Variants in LIPH observed in about 807,000 individuals in gnomAD.
LIPH encodes lipase H.
In LIPH, 32 loss-of-function variants were observed where a neutral mutation model predicts 47.6. The ratio of observed to expected loss-of-function variants is 0.67; its 90% CI spans 0.51 to 0.90. The LOEUF is 0.90. LIPH is among the 40% of genes least tolerant of loss of function. The pLI, the probability that LIPH is intolerant of heterozygous loss-of-function variation, is 0.00. For synonymous variants in LIPH, 190 were observed against 195.6 expected, an observed-to-expected ratio of 0.97 and a Z score of 0.24; for missense variants, 497 against 541.4, an observed-to-expected ratio of 0.92 and a Z score of 0.81.
At chr3:185,513,954 C>T (rs910536961) in intron 8 of LIPH, among the ~76,000 whole-genome samples, 4 of 152,120 alleles carry the variant, frequency 2.6e-5, no homozygotes, top group South Asian at 2.1e-4. Context: ...GCAGGAGAAT[C>T]GCTTGAACCT....
intron 3 of LIPH, among the ~76,000 whole-genome samples, chr3:185,533,293 G>A (rs1177414730): frequency 1.3e-5 from 2 of 152,166 alleles, no homozygotes; most frequent in Non-Finnish European, 2.9e-5. Flanking sequence ...AGATTTGAAT[G>A]GGACATAGCT....
chr3:185,534,728 C>T (rs755358871), intron 2 of LIPH, 37 bp downstream of exon 2: 2 of 1,610,060 alleles, frequency 1.2e-6, no homozygotes, highest in South Asian at 2.2e-5. Flanking sequence ...GGGCCAGTTT[C>T]AACTTAGCTC....
rs1479890834 is a variant in LIPH at position 185,509,000 on chromosome 3, T to TA, written c.1269-124dup. ...AATTGTTTTTAATATAGAAAACACT[T>TA]ACGGTGGCCAGGCACGGTGACTCAT... On this transcript the variant is annotated intron_variant, in intron 9 of 9. Coordinates refer to ENST00000296252, the MANE Select transcript of LIPH (RefSeq NM_139248.3). 5 of 723,952 alleles carry TA rather than the reference T, an allele frequency of 6.9e-6. No homozygotes were observed. The Admixed American group carries it at 8.3e-5, about 12-fold the overall frequency. 44.8% of individuals were successfully genotyped at this position (723,952 alleles called of 1,614,324 possible).
intron 1 of LIPH, among the ~76,000 whole-genome samples, chr3:185,544,738 A>G (rs183080265): frequency 6.6e-6 from 1 of 152,218 alleles, no homozygotes; most frequent in Admixed American, 6.5e-5. Context: ...AAAACTCCCC[A>G]CTGATGTAGA....
At chr3:185,541,588 T>C (rs1051028981) in intron 1 of LIPH, among the ~76,000 whole-genome samples, 4 of 151,298 alleles carry the variant, frequency 2.6e-5, no homozygotes, top group African/African-American at 9.7e-5. Flanking sequence ...TGAATTTTGG[T>C]AGAGATGAGG....
chr3:185,528,674 G>A (rs1019150488), intron 3 of LIPH, among the ~76,000 whole-genome samples: 2 of 152,150 alleles, frequency 1.3e-5, no homozygotes, highest in Non-Finnish European at 2.9e-5. Context: ...GTCAGGCCAG[G>A]TATCAGGCTA....
intron 4 of LIPH, 125 bp from the exon 5 acceptor site, chr3:185,524,285 G>C: frequency 1.5e-6 from 1 of 687,656 alleles, no homozygotes; most frequent in Non-Finnish European, 2.6e-6. Flanking sequence ...TTATACCTAT[G>C]TAAGAGTTTT....
At chr3:185,508,901 C>A in intron 9 of LIPH, 24 bp from the exon 10 acceptor site, 1 of 1,390,484 alleles carries the variant, frequency 7.2e-7, no homozygotes, top group Non-Finnish European at 1.0e-6. Flanking sequence ...ACAAAATATC[C>A]TTGTAAATGA....
At chr3:185,524,851 A>G (rs1356775835) in intron 4 of LIPH, among the ~76,000 whole-genome samples, 3 of 152,196 alleles carry the variant, frequency 2.0e-5, no homozygotes, top group Admixed American at 6.5e-5. Context: ...GAAAAAATGA[A>G]TGTTTACTTA....
Position 185,506,969 on chromosome 3 carries a change from T to G in LIPH, c.*1821A>C, listed in dbSNP as rs1719396633. On this transcript the variant is annotated 3_prime_UTR_variant, in exon 10 of 10. Transcript: ENST00000296252. ...AGAGCTTGTTCCACTCAGAGTTCAG[T>G]CATCCCTCACTTAAATAAAACAGAC... The G allele has an allele frequency of 6.6e-6, 1 of 151,608 alleles. No individual in the cohort carries two copies. Among genetic ancestry groups the G allele is most frequent in the Non-Finnish European group, 1.5e-5 (1 of 67,990 alleles). The allele number at this position is 151,608 out of a possible 1,614,324, so 9.4% of individuals were successfully genotyped here.
rs138397727 is a variant in LIPH, at chr3:185,548,786, G to A, written c.49+3637C>T. ...AAAACAAAACAAAACAAAACAAACC[G>A]CATCCTGAGCCAGGCTGTGAAAGGA... On this transcript the variant is annotated intron_variant, in intron 1 of 9. Transcript: ENST00000296252. Among the ~76,000 whole-genome samples the A allele has an allele frequency of 5.8e-3, 867 of 149,806 alleles. 5 individuals are homozygous for A. Among genetic ancestry groups the A allele is most frequent in the African/African-American group, 0.02 (808 of 39,796 alleles).
Position 185,534,872 on chromosome 3 carries a change from C to T in LIPH, c.310G>A (p.Val104Ile), listed in dbSNP as rs774469733. 6.3e-5 allele frequency: 101 copies of T among 1,614,086 alleles called. No individual in the cohort carries two copies. The highest frequency in any genetic ancestry group is 8.6e-5 in the Non-Finnish European group (101 of 1,180,028). The change falls in exon 2 of 10, where the codon GTT becomes ATT. Residue 104 changes from valine (V) to isoleucine (I), a missense_variant. Coordinates refer to ENST00000296252, the MANE Select transcript of LIPH (RefSeq NM_139248.3). ...GLLSVEDMNV[V>I]VVDWNRGATT... Reference sequence around the variant, plus strand: ...GCTCCTCGATTCCAATCAACAACAACTACGTTCATGTCTTCAACAGAGAGC... The same window carrying T: ...GCTCCTCGATTCCAATCAACAACAATTACGTTCATGTCTTCAACAGAGAGC...
At chr3:185,516,675 C>G (rs1318122126) in intron 7 of LIPH, among the ~76,000 whole-genome samples, 3 of 150,788 alleles carry the variant, frequency 2.0e-5, no homozygotes, top group Admixed American at 2.0e-4. Context: ...TTTTCCTAGT[C>G]TTAATTTTAT....
At chr3:185,524,247 G>T in intron 4 of LIPH, 87 bp from the exon 5 acceptor site, 1 of 788,722 alleles carries the variant, frequency 1.3e-6, no homozygotes, top group Non-Finnish European at 2.2e-6. Context: ...AGCAGGAATT[G>T]TATTATTATT....
intron 4 of LIPH, among the ~76,000 whole-genome samples, chr3:185,526,014 T>A (rs1720056761): frequency 6.6e-6 from 1 of 151,992 alleles, no homozygotes; most frequent in African/African-American, 2.4e-5. Flanking sequence ...TGGATATAGG[T>A]ACCCATCCTT....
At chr3:185,522,252 T>A (rs1719915250) in intron 5 of LIPH, among the ~76,000 whole-genome samples, 1 of 152,180 alleles carries the variant, frequency 6.6e-6, no homozygotes, top group Non-Finnish European at 1.5e-5. Context: ...GCATCTTCAC[T>A]TAGCACCCTC....
At chr3:185,551,516 T>G (rs900195945) in intron 1 of LIPH, among the ~76,000 whole-genome samples, 2 of 152,246 alleles carry the variant, frequency 1.3e-5, no homozygotes, top group African/African-American at 2.4e-5. Context: ...GTTGATATAC[T>G]GTCTTTTATC....
At chr3:185,511,817 G>T in intron 8 of LIPH, 120 bp from the exon 9 acceptor site, 39 of 597,750 alleles carry the variant, frequency 6.5e-5, no homozygotes, top group Non-Finnish European at 8.4e-5. Flanking sequence ...TGCACCAGCT[G>T]ACTTTTTTTT....
At chr3:185,536,151 T>G (rs1308115527) in intron 1 of LIPH, among the ~76,000 whole-genome samples, 2 of 152,212 alleles carry the variant, frequency 1.3e-5, no homozygotes, top group African/African-American at 4.8e-5. Flanking sequence ...TGTACATATG[T>G]GTCTATCCTG....
Sources: gnomAD v4.1 joint callset for allele counts (sites outside exome capture counted in the v4.1 genomes callset) on GRCh38, gnomAD v4.1.1 for gene constraint, MANE v1.5 for transcripts, NCBI Gene and HGNC (gene_info 2026-07-23, HGNC 2026-07-21) for gene names.